POLG: variants seen among roughly 807,000 people sequenced by gnomAD.
The protein encoded by POLG is DNA polymerase gamma, catalytic subunit.
POLG carries 110 observed loss-of-function variants against 155.4 expected under a neutral mutation model. That is an observed-to-expected ratio of 0.71 (90% CI 0.61 to 0.83). The LOEUF is 0.83. Among genes scored for constraint, POLG ranks in the 40% least tolerant of loss-of-function variants. The probability of loss-of-function intolerance (pLI) is 0.00; values close to 1 mark genes in which losing one functional copy is unlikely to be tolerated. For missense variants in POLG, 1,685 were observed against 1,627.5 expected (o/e 1.04, Z -0.61); for synonymous variants, 701 against 631.5 (o/e 1.11, Z -1.65).
intron 12 of POLG, 130 bp downstream of exon 12, chr15:89,323,685 C>T (rs763119924): frequency 2.3e-4 from 205 of 880,762 alleles, no homozygotes; most frequent in Non-Finnish European, 4.0e-5. Context: ...GTGGGGCCTC[C>T]CAGGGGCAGG....
chr15:89,326,373 CG>C (rs982621471), intron 9 of POLG, among the ~76,000 whole-genome samples: 20 of 152,328 alleles, frequency 1.3e-4, no homozygotes, highest in Non-Finnish European at 2.6e-4. Context: ...TGTGTACACC[CG>C]GTGGCTGCCA....
chr15:89,323,049 ACG>A (rs1225494534), intron 13 of POLG, 147 bp from the exon 14 acceptor site: 2 of 754,004 alleles, frequency 2.7e-6, no homozygotes, highest in Non-Finnish European at 4.4e-6. Context: ...GCACGCGCGC[ACG>A]CGCGCACGCA....
In POLG at chr15:89,327,151, C is replaced by G; in HGVS notation, c.1433+16G>C. The G allele has an allele frequency of 6.2e-7, 1 of 1,614,240 alleles. No homozygotes were observed. Among genetic ancestry groups the G allele is most frequent in the Non-Finnish European group, 8.5e-7 (1 of 1,180,036 alleles). ...CAGTCCCCTGCCTAGATCCTGCCCACCCAAGGCCTGGCTACCTCTCTCCTG... is the reference window on the plus strand; with the variant it reads ...CAGTCCCCTGCCTAGATCCTGCCCAGCCAAGGCCTGGCTACCTCTCTCCTG... On this transcript the variant is annotated intron_variant, in intron 7 of 22. Transcript: ENST00000268124.
rs781256643 is a variant in POLG at position 89,317,379 on chromosome 15, G to A, written c.3640C>T (p.Gln1214Ter). 11 of 1,613,654 alleles carry A rather than the reference G, an allele frequency of 6.8e-6. No homozygotes were observed. The highest frequency in any genetic ancestry group is 9.3e-6 in the Non-Finnish European group (11 of 1,179,724). ...GGAACAAATGTGTTGTGCTCACCCT[G>A]GGGAATCCCGTATCTCCTTTCCATC... ...TGMERRYGIP[Q>*]GEALDIYQII... The change falls in exon 22 of 23, where the codon CAG becomes TAG. Residue 1214 changes from glutamine (Q) to a stop codon, truncating the protein, a stop_gained. Transcript: ENST00000268124. LOFTEE classifies it high-confidence loss of function.
At position 89,317,474 on chromosome 15, in the gene POLG, G is replaced by A. The variant is rs973662011; in HGVS notation, c.3545C>T (p.Ala1182Val). The A allele has an allele frequency of 6.2e-7, 1 of 1,613,908 alleles. No individual in the cohort carries two copies. Among genetic ancestry groups the A allele is most frequent in the Non-Finnish European group, 8.5e-7 (1 of 1,179,912 alleles). ...CCTGAGGCACCGGTCAATATCGACT[G>A]CACTGAAAAAGGCGACTGACTGGGG... ...DLPQSVAFFSAVDIDRCLRKE... is the reference protein window; with the variant it reads ...DLPQSVAFFSVVDIDRCLRKE... The change falls in exon 22 of 23, where the codon GCA becomes GTA. Residue 1182 changes from alanine to valine, a missense_variant. Ala to Val is a moderately conservative substitution (Grantham distance 64). Around this residue, in one of 3 missense-constraint regions of POLG, gnomAD observed 470 missense variants for 439.9 expected, o/e 1.07. Transcript: ENST00000268124.
chr15:89,326,888 C>G (rs928192031), intron 8 of POLG, 24 bp downstream of exon 8: 10 of 1,613,712 alleles, frequency 6.2e-6, no homozygotes, highest in Non-Finnish European at 8.5e-6. Flanking sequence ...CTACCCTACC[C>G]TACCTCCCAC....
rs200501410 is a variant in POLG, at chr15:89,325,203, TGA to T, written c.1949+245_1949+246del. 4.6e-3 allele frequency among the ~76,000 whole-genome samples: 198 copies of T among 43,274 alleles called. 31 individuals carry two copies. The highest frequency in any genetic ancestry group is 0.044 in the Middle Eastern group (3 of 68). 28.4% of individuals were successfully genotyped at this position (43,274 alleles called of 152,430 possible). On this transcript the variant is annotated intron_variant, in intron 10 of 22. Coordinates refer to ENST00000268124, the MANE Select transcript of POLG (RefSeq NM_002693.3). ...GAGAGTGAGTGAGTGAGAGAGTGAG[TGA>T]GAGAGTGAGTGAGTGAGAGAGTGAG...
chr15:89,333,839 GGAGA>G lies in POLG; in HGVS notation c.-89_-86del. ...GCTTCTTTTACTGGCTGGAAGACGT[GGAGA>G]GAGACACGTCCTGTCTCTGCTCTCC... On this transcript the variant is annotated 5_prime_UTR_variant, in exon 2 of 23. The change abolishes the stop of an existing upstream ORF in the 5' untranslated region. Coordinates refer to ENST00000268124, the MANE Select transcript of POLG (RefSeq NM_002693.3). 6.8e-7 allele frequency: 1 copy of G among 1,471,852 alleles called. No homozygotes were observed. The highest frequency in any genetic ancestry group is 1.2e-5 in the South Asian group (1 of 82,550). 91.2% of individuals were successfully genotyped at this position (1,471,852 alleles called of 1,614,324 possible).
At chr15:89,329,455 A>G (rs1431466209) in intron 3 of POLG, among the ~76,000 whole-genome samples, 1 of 152,086 alleles carries the variant, frequency 6.6e-6, no homozygotes, top group African/African-American at 2.4e-5. Context: ...TCTGGCCCCA[A>G]CCCTGCCACT....
rs1179914559 is a variant in POLG at position 89,333,186 on chromosome 15, G to A, written c.569C>T (p.Pro190Leu). Residue 190 changes from proline to leucine, a missense_variant, in exon 2 of 23, where the codon CCC becomes CTC. Pro to Leu is a moderately conservative substitution (Grantham distance 98, BLOSUM62 -3). Around this residue, in one of 3 missense-constraint regions of POLG, gnomAD observed 1,210 missense variants for 1,167.1 expected, o/e 1.04. Transcript: ENST00000268124. ...GTCGAACACCAGGGCCCGCTCCTCG[G>A]GGATGGCCACGGGTACGGCCTCCCC... is the stretch of plus-strand genomic sequence containing the variant. ...PEGEAVPVAI[P>L]EERALVFDVE... is the part of the protein sequence containing the mutation. 1.9e-6 allele frequency: 3 copies of A among 1,569,844 alleles called. No homozygotes were observed. Among genetic ancestry groups the A allele is most frequent in the Non-Finnish European group, 8.7e-7 (1 of 1,154,956 alleles).
At position 89,320,803 on chromosome 15, in the gene POLG, C is replaced by T. The variant is rs780775849; in HGVS notation, c.2944G>A (p.Ala982Thr). Residue 982 changes from alanine to threonine, a missense_variant, in exon 18 of 23, where the codon GCC becomes ACC. Transcript: ENST00000268124. Reference sequence around the variant, plus strand: ...TTGGTGGCAGCGTACATCTGCTGGGCCTTCTCAGCTGCCTCCTGCTGTGTG... The same window carrying T: ...TTGGTGGCAGCGTACATCTGCTGGGTCTTCTCAGCTGCCTCCTGCTGTGTG... The part of the protein sequence containing the change: ...RLTQQEAAEK[A>T]QQMYAATKGL... The T allele has an allele frequency of 1.2e-6, 2 of 1,613,680 alleles. No individual in the cohort carries two copies. The highest frequency in any genetic ancestry group is 1.7e-6 in the Non-Finnish European group (2 of 1,179,998).
chr15:89,323,054 C>T (rs568774890), intron 13 of POLG, 152 bp from the exon 14 acceptor site: 65 of 730,780 alleles, frequency 8.9e-5, no homozygotes, highest in East Asian at 2.8e-4. Flanking sequence ...CGCGCACGCG[C>T]GCACGCACAC....
rs1347200044 is a variant in POLG at position 89,333,572 on chromosome 15, C to A, written c.183G>T (p.Val61=). The change falls in exon 2 of 23, where the codon GTG becomes GTT. Residue 61 remains valine, a synonymous_variant. Coordinates refer to ENST00000268124, the MANE Select transcript of POLG (RefSeq NM_002693.3). The part of the protein sequence containing the change: ...QQQQQPQQPQ[V]LSSEGGQLRH... ...GCAGCTGCCCGCCCTCCGAGGATAG[C>A]ACTTGCGGCTGCTGAGGCTGCTGTT... 6 of 1,610,594 alleles carry A rather than the reference C, an allele frequency of 3.7e-6. No homozygotes were observed. The Middle Eastern group carries it at 5.0e-4, about 133-fold the overall frequency.
At chr15:89,328,159 A>AT (rs1015031097) in intron 6 of POLG, among the ~76,000 whole-genome samples, 5 of 152,210 alleles carry the variant, frequency 3.3e-5, no homozygotes, top group African/African-American at 9.7e-5. Context: ...ATTAATAAAC[A>AT]TAACCACGCT....
At chr15:89,319,853 C>A (rs1251594335) in intron 18 of POLG, among the ~76,000 whole-genome samples, 2 of 152,198 alleles carry the variant, frequency 1.3e-5, no homozygotes, top group Non-Finnish European at 2.9e-5. Flanking sequence ...CAACTCCCAG[C>A]TTCCATCTAA....
chr15:89,327,410 C>T (rs1177623154), intron 6 of POLG, 61 bp from the exon 7 acceptor site: 1 of 1,522,240 alleles, frequency 6.6e-7, no homozygotes, highest in Non-Finnish European at 9.0e-7. Flanking sequence ...TGGCCCAATC[C>T]CTGAGCTGGT....
At chr15:89,322,977 C>A in intron 13 of POLG, 75 bp from the exon 14 acceptor site, 1 of 1,432,548 alleles carries the variant, frequency 7.0e-7, no homozygotes, top group South Asian at 1.2e-5. Context: ...TGAGTACCTG[C>A]ACTCCTCCCA....
At chr15:89,327,750 C>T (rs999996655) in intron 6 of POLG, among the ~76,000 whole-genome samples, 1 of 152,088 alleles carries the variant, frequency 6.6e-6, no homozygotes, top group Admixed American at 6.5e-5. Context: ...ATGTCTGGAT[C>T]GTGCAAGTTC....
rs946596320 is a variant in POLG at position 89,323,035 on chromosome 15, TCACGCACGCGCG to T, written c.2266-145_2266-134del. 16 of 900,706 alleles carry T rather than the reference TCACGCACGCGCG, an allele frequency of 1.8e-5. No homozygotes were observed. The Admixed American group carries it at 2.8e-4, about 16-fold the overall frequency. 55.8% of individuals were successfully genotyped at this position (900,706 alleles called of 1,614,324 possible). ...AGTCTGAGGCAAATCCCTGATTGTA[TCACGCACGCGCG>T]CACGCGCGCACGCACACACACACGT... On this transcript the variant is annotated intron_variant, in intron 13 of 22. Transcript: ENST00000268124.
Sources: gnomAD v4.1 joint callset for allele counts (sites outside exome capture counted in the v4.1 genomes callset) on GRCh38, gnomAD v4.1.1 for gene constraint, gnomAD v4.1.1 regional missense constraint, MANE v1.5 for transcripts, NCBI Gene and HGNC (gene_info 2026-07-23, HGNC 2026-07-21) for gene names.